The following FLVCR2 variants were observed in gnomAD, a reference collection of about 807,000 sequenced individuals.
The protein encoded by FLVCR2 is choline/ethanolamine transporter FLVCR2.
A neutral mutation model predicts 48.9 loss-of-function variants in FLVCR2; 38 were observed. That is an observed-to-expected ratio of 0.78 (90% confidence interval 0.60 to 1.02). The LOEUF is 1.02. Ranked by LOEUF, FLVCR2 falls within the 50% of genes least tolerant of loss-of-function variation. The pLI is 0.00. For synonymous variants in FLVCR2, 255 were observed against 257.0 expected (o/e 0.99, Z 0.07); for missense variants, 664 against 663.3 (o/e 1.00, Z -0.01).
chr14:75,628,306 G>C (rs7146779), intron 3 of FLVCR2, among the ~76,000 whole-genome samples: 74,616 of 151,764 alleles, frequency 0.49, 21,749 homozygotes, highest in Non-Finnish European at 0.65. Context: ...GTAGAGACAG[G>C]GTTTCACCAT....
intron 1 of FLVCR2, among the ~76,000 whole-genome samples, chr14:75,598,626 C>A (rs921955562): frequency 5.5e-4 from 84 of 152,118 alleles, no homozygotes; most frequent in African/African-American, 2.0e-3. Flanking sequence ...CAGGTATGTG[C>A]CACCATGCCT....
intron 1 of FLVCR2, among the ~76,000 whole-genome samples, chr14:75,590,673 C>T (rs531449523): frequency 5.3e-5 from 8 of 152,236 alleles, no homozygotes; most frequent in South Asian, 4.1e-4. Context: ...TTAAAGAGTA[C>T]AGGACATCCT....
intron 1 of FLVCR2, among the ~76,000 whole-genome samples, chr14:75,582,963 G>C (rs1888647934): frequency 6.6e-6 from 1 of 152,212 alleles, no homozygotes; most frequent in Admixed American, 6.5e-5. Flanking sequence ...TAAGAATTAT[G>C]CCAAGATAGG....
At chr14:75,616,213 G>T (rs968244876) in intron 1 of FLVCR2, among the ~76,000 whole-genome samples, 2 of 151,570 alleles carry the variant, frequency 1.3e-5, no homozygotes, top group African/African-American at 4.9e-5. Flanking sequence ...TGTAGTTCCA[G>T]CTACTTGGGA....
Position 75,579,158 on chromosome 14 carries a change from T to C in FLVCR2, c.186T>C (p.Ser62=). 6.2e-7 allele frequency: 1 copy of C among 1,613,976 alleles called. No homozygotes were observed. The highest frequency in any genetic ancestry group is 1.1e-5 in the South Asian group (1 of 91,078). ...ACCCCAGTGCCTTAGCCCAACCCAG[T>C]GGCTTGGCTCACCCCAGTAGCTCGG... ...SAHPSALAQP[S]GLAHPSSSGP... Residue 62 remains serine, a synonymous_variant, in exon 1 of 10, where the codon AGT becomes AGC. Coordinates refer to ENST00000238667, the MANE Select transcript of FLVCR2 (RefSeq NM_017791.3).
chr14:75,581,349 T>A (rs1053751974), intron 1 of FLVCR2, among the ~76,000 whole-genome samples: 2 of 152,030 alleles, frequency 1.3e-5, no homozygotes, highest in African/African-American at 4.8e-5. Context: ...GTTTGGTGAG[T>A]TTTTGGGCTC....
intron 1 of FLVCR2, among the ~76,000 whole-genome samples, chr14:75,593,044 A>G (rs962150267): frequency 6.6e-6 from 1 of 152,216 alleles, no homozygotes; most frequent in East Asian, 1.9e-4. Context: ...GGTCATAACC[A>G]TCTAACCAAT....
chr14:75,609,875 A>G (rs1889394066), intron 1 of FLVCR2, among the ~76,000 whole-genome samples: 1 of 146,602 alleles, frequency 6.8e-6, no homozygotes, highest in South Asian at 2.4e-4. Context: ...GTCAAAGGTC[A>G]GGGAGTGGCA....
intron 1 of FLVCR2, among the ~76,000 whole-genome samples, chr14:75,583,512 A>G (rs1439220892): frequency 6.6e-6 from 1 of 152,100 alleles, no homozygotes; most frequent in East Asian, 1.9e-4. Context: ...GGTATCCCAT[A>G]CTTGTGGGTT....
chr14:75,631,046 A>C (rs889858631), intron 3 of FLVCR2, among the ~76,000 whole-genome samples: 4 of 152,232 alleles, frequency 2.6e-5, no homozygotes, highest in Non-Finnish European at 5.9e-5. Context: ...TGTGTCTGGC[A>C]AACTTTGACA....
chr14:75,587,735 T>C (rs1010119708), intron 1 of FLVCR2, among the ~76,000 whole-genome samples: 1 of 152,214 alleles, frequency 6.6e-6, no homozygotes, highest in East Asian at 1.9e-4. Context: ...ACATTGTTAC[T>C]GTGCAAGGGT....
chr14:75,595,302 T>TAACC (rs762199328), intron 1 of FLVCR2, among the ~76,000 whole-genome samples: 2 of 152,330 alleles, frequency 1.3e-5, no homozygotes, highest in South Asian at 4.1e-4. Flanking sequence ...TGGATAAACA[T>TAACC]AACCAGCTGG....
At chr14:75,596,317 G>C in intron 1 of FLVCR2, 1 of 422,830 alleles carries the variant, frequency 2.4e-6, no homozygotes, top group Non-Finnish European at 4.3e-6. Context: ...AGAAAACAAG[G>C]CCAGTAGTGA....
At chr14:75,605,407 G>T in intron 1 of FLVCR2, 1 of 1,422,688 alleles carries the variant, frequency 7.0e-7, no homozygotes, top group Non-Finnish European at 9.2e-7. Context: ...TTTTTCTTTG[G>T]TGAGTCATTC....
intron 1 of FLVCR2, among the ~76,000 whole-genome samples, chr14:75,620,574 G>A (rs1277228810): frequency 6.6e-6 from 1 of 152,146 alleles, no homozygotes; most frequent in Non-Finnish European, 1.5e-5. Context: ...TTGTATTTTT[G>A]TTTTAACATT....
chr14:75,624,765 T>C lies in FLVCR2; in HGVS notation c.952+13T>C. 1.7e-5 allele frequency: 27 copies of C among 1,614,024 alleles called. No individual in the cohort carries two copies. Among genetic ancestry groups the C allele is most frequent in the Non-Finnish European group, 2.3e-5 (27 of 1,179,970 alleles). ...GTCATCACCTATGGTAAGGTGTCAA[T>C]GTGTCTAGGAATGCATTCGAGCTGG... On this transcript the variant is annotated intron_variant, in intron 3 of 9. Coordinates refer to ENST00000238667, the MANE Select transcript of FLVCR2 (RefSeq NM_017791.3).
intron 1 of FLVCR2, among the ~76,000 whole-genome samples, chr14:75,583,888 T>C (rs934923647): frequency 1.3e-5 from 2 of 152,122 alleles, no homozygotes; most frequent in Non-Finnish European, 2.9e-5. Context: ...TACCTGAAGC[T>C]CAGTGTCTGT....
chr14:75,582,937 A>G (rs759669870), intron 1 of FLVCR2, among the ~76,000 whole-genome samples: 6 of 152,186 alleles, frequency 3.9e-5, no homozygotes, highest in Non-Finnish European at 8.8e-5. Flanking sequence ...CAGCAGGGAG[A>G]GCACATTGTT....
intron 1 of FLVCR2, among the ~76,000 whole-genome samples, chr14:75,613,221 C>T (rs1333118613): frequency 2.0e-5 from 3 of 152,102 alleles, no homozygotes; most frequent in Non-Finnish European, 2.9e-5. Context: ...TTAATTGGCT[C>T]ATGGTTCTGC....
Sources: allele counts gnomAD v4.1 joint callset (sites outside exome capture counted in the v4.1 genomes callset), GRCh38; gene constraint gnomAD v4.1.1; transcripts MANE v1.5; gene names NCBI Gene and HGNC (gene_info 2026-07-23, HGNC 2026-07-21).